The following RIT2 variants were observed in gnomAD, a reference collection of about 807,000 sequenced individuals.
RIT2 encodes Ras like without CAAX 2, also known as GTP-binding protein Rit2.
Under a neutral mutation model 23.7 loss-of-function variants are expected in RIT2, and 24 were observed. The ratio of observed to expected loss-of-function variants is 1.01; its 90% CI spans 0.73 to 1.43. The LOEUF (loss-of-function observed/expected upper bound fraction) is 1.43. Among genes scored for constraint, RIT2 ranks in the 40% most tolerant of loss-of-function variants. RIT2 has a pLI of 0.00. For missense variants in RIT2, 236 were observed against 266.9 expected (o/e 0.88, Z 0.81); for synonymous variants, 107 against 91.1 (o/e 1.17, Z -0.99).
Position 42,766,095 on chromosome 18 carries a change from T to C in RIT2, c.427-22375A>G, listed in dbSNP as rs537296587. On this transcript the variant is annotated intron_variant, in intron 4 of 4. Transcript: ENST00000326695. ...ATCAGCAGCATTGAAAACGAACTAA[T>C]ACAGTAAATTGGTACCAGTAGAGTG... Among the ~76,000 whole-genome samples the C allele has an allele frequency of 7.2e-5, 11 of 152,248 alleles. No individual in the cohort carries two copies. In the South Asian group the frequency reaches 2.3e-3, roughly 32 times the overall value.
chr18:42,821,774 G>T (rs1906159501), intron 4 of RIT2, among the ~76,000 whole-genome samples: 1 of 152,246 alleles, frequency 6.6e-6, no homozygotes, highest in East Asian at 1.9e-4. Context: ...ACTAATTACA[G>T]ATTATCTGCA....
chr18:42,994,333 A>G (rs1321920543), intron 2 of RIT2, among the ~76,000 whole-genome samples: 3 of 152,058 alleles, frequency 2.0e-5, no homozygotes, highest in Non-Finnish European at 4.4e-5. Context: ...ATAAAAACAC[A>G]CATGCTCTCC....
Position 43,025,842 on chromosome 18 carries a change from C to T in RIT2, c.160+7969G>A, listed in dbSNP as rs537784674. On this transcript the variant is annotated intron_variant, in intron 2 of 4. Transcript: ENST00000326695. ...TGAAGACTCCAAAAGGTGGGATGGT[C>T]GGGGGGTGTGAGGGATTAAAAATTA... Among the ~76,000 whole-genome samples, 8 of 151,720 alleles carry T rather than the reference C, an allele frequency of 5.3e-5. No individual in the cohort carries two copies. In the East Asian group the frequency reaches 1.2e-3, roughly 22 times the overall value.
chr18:42,951,701 A>G (rs1335667184), intron 3 of RIT2, among the ~76,000 whole-genome samples: 1 of 152,108 alleles, frequency 6.6e-6, no homozygotes. Flanking sequence ...GCACTCCCAT[A>G]TTCATTGCAG....
At chr18:43,023,198 T>C in intron 2 of RIT2, among the ~76,000 whole-genome samples, 1 of 152,084 alleles carries the variant, frequency 6.6e-6, no homozygotes, top group South Asian at 2.1e-4. Flanking sequence ...AAACTTCACA[T>C]AGTAGATTGG....
At chr18:42,779,891 T>C (rs1913765710) in intron 4 of RIT2, among the ~76,000 whole-genome samples, 1 of 152,126 alleles carries the variant, frequency 6.6e-6, no homozygotes, top group African/African-American at 2.4e-5. Context: ...TCCAAGGATC[T>C]TGGATTTTTT....
chr18:43,114,474 T>C (rs76826659), intron 1 of RIT2, among the ~76,000 whole-genome samples: 3,943 of 152,202 alleles, frequency 0.026, 130 homozygotes, highest in African/African-American at 0.079. Context: ...CTAAAACTAC[T>C]GATTTGTTTT....
At chr18:42,907,576 G>A (rs1310236706) in intron 4 of RIT2, among the ~76,000 whole-genome samples, 1 of 152,056 alleles carries the variant, frequency 6.6e-6, no homozygotes, top group Non-Finnish European at 1.5e-5. Flanking sequence ...TAAAATGTCT[G>A]GGATGCAATA....
chr18:43,007,599 G>A (rs1382430213), intron 2 of RIT2, among the ~76,000 whole-genome samples: 1 of 151,636 alleles, frequency 6.6e-6, no homozygotes, highest in East Asian at 1.9e-4. Context: ...GTCTACTAGA[G>A]TTGTGTTCAT....
chr18:43,098,812 A>G (rs142221673), intron 1 of RIT2, among the ~76,000 whole-genome samples: 210 of 152,180 alleles, frequency 1.4e-3, no homozygotes, highest in African/African-American at 4.9e-3. Flanking sequence ...TCACAACATT[A>G]CTGAAGGAAT....
chr18:43,047,995 G>A (rs1912288835), intron 1 of RIT2, among the ~76,000 whole-genome samples: 1 of 152,152 alleles, frequency 6.6e-6, no homozygotes, highest in Non-Finnish European at 1.5e-5. Flanking sequence ...TGAAATGGCT[G>A]CAGATGTGGG....
intron 1 of RIT2, among the ~76,000 whole-genome samples, chr18:43,108,444 T>G (rs1913879715): frequency 1.3e-5 from 2 of 151,652 alleles, no homozygotes; most frequent in Non-Finnish European, 2.9e-5. Flanking sequence ...GTGAGGGGTA[T>G]AGTAAGGCAA....
At chr18:42,784,915 A>G (rs1598652677) in intron 4 of RIT2, among the ~76,000 whole-genome samples, 1 of 152,206 alleles carries the variant, frequency 6.6e-6, no homozygotes, top group East Asian at 1.9e-4. Flanking sequence ...ACTATAATTG[A>G]TCAAAGGTAA....
chr18:42,914,517 GA>G (rs1166806039), intron 4 of RIT2, among the ~76,000 whole-genome samples: 2 of 151,978 alleles, frequency 1.3e-5, no homozygotes, highest in African/African-American at 4.8e-5. Context: ...AATGCTGAGT[GA>G]AAAACAATCT....
chr18:43,048,177 G>A (rs1912292832), intron 1 of RIT2, among the ~76,000 whole-genome samples: 1 of 152,174 alleles, frequency 6.6e-6, no homozygotes, highest in African/African-American at 2.4e-5. Context: ...TTATATGGTT[G>A]TATTATATGG....
intron 1 of RIT2, among the ~76,000 whole-genome samples, chr18:43,078,576 C>T (rs1193652973): frequency 4.6e-5 from 7 of 152,160 alleles, no homozygotes; most frequent in Non-Finnish European, 1.0e-4. Flanking sequence ...CGCGCACATG[C>T]TAAACATCAC....
At chr18:43,074,410 A>T (rs1238501828) in intron 1 of RIT2, among the ~76,000 whole-genome samples, 1 of 152,148 alleles carries the variant, frequency 6.6e-6, no homozygotes, top group Non-Finnish European at 1.5e-5. Context: ...TTTTCCAACT[A>T]ATAATTCCCA....
In RIT2 at chr18:43,001,314, T is replaced by C. The variant is rs551725705; in HGVS notation, c.161-27167A>G. ...GGGCTTCAATGTAGGCAGAAAATTT[T>C]ATTGTGGCTCTAGGGGACATAAAAC... On this transcript the variant is annotated intron_variant, in intron 2 of 4. Transcript: ENST00000326695. Among the ~76,000 whole-genome samples, 10 of 152,124 alleles carry C rather than the reference T, an allele frequency of 6.6e-5. No homozygotes were observed. The East Asian group carries it at 1.2e-3, about 18-fold the overall frequency.
chr18:43,025,804 T>C (rs1054466045), intron 2 of RIT2, among the ~76,000 whole-genome samples: 1 of 152,002 alleles, frequency 6.6e-6, no homozygotes, highest in Admixed American at 6.6e-5. Flanking sequence ...ATAAAGAGTG[T>C]GATAATAGTT....
Sources: allele counts gnomAD v4.1 joint callset (sites outside exome capture counted in the v4.1 genomes callset), GRCh38; gene constraint gnomAD v4.1.1; transcripts MANE v1.5; gene names NCBI Gene and HGNC (gene_info 2026-07-23, HGNC 2026-07-21).